Variants in FBLN5 observed in about 807,000 individuals in gnomAD.
The protein encoded by FBLN5 is fibulin-5.
A neutral mutation model predicts 61.6 loss-of-function variants in FBLN5; 24 were observed. That is an observed-to-expected ratio of 0.39 (90% CI 0.28 to 0.55). FBLN5 has a LOEUF of 0.55. FBLN5 is among the 20% of genes least tolerant of loss of function. The pLI, the probability that FBLN5 is intolerant of heterozygous loss-of-function variation, is 0.65. For synonymous variants in FBLN5, 213 were observed against 219.8 expected (o/e 0.97, Z 0.27); for missense variants, 470 against 594.1 (o/e 0.79, Z 2.17).
intron 10 of FBLN5, 82 bp from the exon 11 acceptor site, chr14:91,870,467 CGTCA>C: frequency 1.4e-6 from 2 of 1,427,738 alleles, no homozygotes; most frequent in South Asian, 1.1e-5. Flanking sequence ...CCCTTGCCTC[CGTCA>C]GTCAAACTGG....
chr14:91,879,614 G>T (rs748423143), intron 9 of FBLN5, among the ~76,000 whole-genome samples: 2 of 152,344 alleles, frequency 1.3e-5, no homozygotes, highest in East Asian at 3.9e-4. Context: ...AATAGAAGCT[G>T]GGAAGAGCAG....
chr14:91,912,350 A>T (rs1355981265), intron 4 of FBLN5, among the ~76,000 whole-genome samples: 1 of 152,200 alleles, frequency 6.6e-6, no homozygotes, highest in Non-Finnish European at 1.5e-5. Context: ...TAAAAAATAG[A>T]AAAATTAGCT....
At chr14:91,919,183 T>A (rs1221106521) in intron 4 of FBLN5, among the ~76,000 whole-genome samples, 1 of 151,592 alleles carries the variant, frequency 6.6e-6, no homozygotes. Context: ...ATACAAAAAT[T>A]AGCTGGGCAT....
At position 91,882,410 on chromosome 14, in the gene FBLN5, G is replaced by A. The variant is rs1889520086; in HGVS notation, c.862+544C>T. On this transcript the variant is annotated intron_variant, in intron 8 of 10. Coordinates refer to ENST00000342058, the MANE Select transcript of FBLN5 (RefSeq NM_006329.4). The surrounding 1 kb of genome is among the most constrained non-coding windows in gnomAD (Gnocchi z 4.9). ...TGACCCCTCAGTGGGTGGAGCATGG[G>A]GCTGGAACCCAGGCTAAGCAGGCAA... Among the ~76,000 whole-genome samples the A allele has an allele frequency of 6.6e-6, 1 of 152,176 alleles. No homozygotes were observed. The highest frequency in any genetic ancestry group is 2.1e-4 in the South Asian group (1 of 4,834).
intron 4 of FBLN5, 101 bp downstream of exon 4, chr14:91,936,846 A>G: frequency 7.4e-7 from 1 of 1,358,050 alleles, no homozygotes; most frequent in Non-Finnish European, 1.1e-6. Flanking sequence ...TCACTGGTGC[A>G]TTGAATGGCA....
intron 5 of FBLN5, among the ~76,000 whole-genome samples, chr14:91,892,732 G>T (rs576809637): frequency 6.6e-6 from 1 of 152,258 alleles, no homozygotes; most frequent in South Asian, 2.1e-4. Context: ...CGGGTACCTT[G>T]GAAAAAAGGC....
intron 4 of FBLN5, among the ~76,000 whole-genome samples, chr14:91,915,178 A>AT (rs1891135684): frequency 6.6e-6 from 1 of 150,646 alleles, no homozygotes; most frequent in South Asian, 2.1e-4. Context: ...AAAAATAATA[A>AT]AAAAAAAAGA....
intron 10 of FBLN5, among the ~76,000 whole-genome samples, 181 bp from the exon 11 acceptor site, chr14:91,870,566 G>T (rs755571638): frequency 2.0e-4 from 30 of 152,194 alleles, no homozygotes; most frequent in Non-Finnish European, 3.5e-4. Flanking sequence ...AACCCTTCAG[G>T]TCTCATCTGA....
At position 91,877,585 on chromosome 14, in the gene FBLN5, C is replaced by T. The variant is rs121434302; in HGVS notation, c.1087G>A (p.Ala363Thr). 88 of 1,613,868 alleles carry T rather than the reference C, an allele frequency of 5.5e-5. No homozygotes were observed. The highest frequency in any genetic ancestry group is 6.7e-5 in the Non-Finnish European group (79 of 1,179,862). ...GTGGCTTGCATTTGGAAGATGTCAGCGGGAACGGAGCGTCCTGACACCACG... is the reference window on the plus strand; with the variant it reads ...GTGGCTTGCATTTGGAAGATGTCAGTGGGAACGGAGCGTCCTGACACCACG... ...MDVVSGRSVP[A>T]DIFQMQATTR... is the part of the protein sequence containing the mutation. Residue 363 changes from alanine (A) to threonine (T), a missense_variant, in exon 10 of 11, where the codon GCT becomes ACT. Coordinates refer to ENST00000342058, the MANE Select transcript of FBLN5 (RefSeq NM_006329.4).
rs1264502241 is a variant in FBLN5 at position 91,895,002 on chromosome 14, C to T, written c.450G>A (p.Gly150=). The T allele has an allele frequency of 6.2e-7, 1 of 1,613,970 alleles. No individual in the cohort carries two copies. The highest frequency in any genetic ancestry group is 8.5e-7 in the Non-Finnish European group (1 of 1,179,982). ...PTQICINTEG[G]YTCSCTDGYW... ...ATCCGTCGGTGCAGGAGCAGGTGTA[C>T]CCGCCTTCAGTATTGATGCAGATCT... The change falls in exon 5 of 11, where the codon GGG becomes GGA. Residue 150 remains glycine, a synonymous_variant. Coordinates refer to ENST00000342058, the MANE Select transcript of FBLN5 (RefSeq NM_006329.4).
At chr14:91,909,519 G>C (rs1218765676) in intron 4 of FBLN5, among the ~76,000 whole-genome samples, 1 of 152,142 alleles carries the variant, frequency 6.6e-6, no homozygotes, top group Non-Finnish European at 1.5e-5. Context: ...AAAATTCTTA[G>C]GTCGATTACA....
chr14:91,935,959 G>C (rs2056008266), intron 4 of FBLN5, among the ~76,000 whole-genome samples: 1 of 152,198 alleles, frequency 6.6e-6, no homozygotes, highest in Admixed American at 6.5e-5. Context: ...AGCATACCCA[G>C]TGTTCCCTCA....
chr14:91,927,629 A>G (rs1330077053), intron 4 of FBLN5, among the ~76,000 whole-genome samples: 3 of 152,236 alleles, frequency 2.0e-5, no homozygotes, highest in Non-Finnish European at 4.4e-5. Flanking sequence ...CTACTAACTT[A>G]AAAGACATGT....
chr14:91,878,335 CA>C (rs1889268146), intron 9 of FBLN5, among the ~76,000 whole-genome samples: 1 of 152,154 alleles, frequency 6.6e-6, no homozygotes, highest in Admixed American at 6.5e-5. Flanking sequence ...ATCTCTAATA[CA>C]AAGCAACTAT....
intron 10 of FBLN5, among the ~76,000 whole-genome samples, chr14:91,871,221 T>TTA (rs1555373998): frequency 1.2e-4 from 17 of 137,934 alleles, no homozygotes; most frequent in East Asian, 6.2e-4. Flanking sequence ...ATCAGTAATT[T>TTA]AAAAAAAAAA....
chr14:91,898,779 T>A, intron 4 of FBLN5, among the ~76,000 whole-genome samples: 1 of 145,842 alleles, frequency 6.9e-6, no homozygotes, highest in African/African-American at 2.5e-5. Flanking sequence ...ACTTGCTCAC[T>A]CATTCATTCA....
chr14:91,877,355 C>T, intron 10 of FBLN5, 132 bp downstream of exon 10: 1 of 776,330 alleles, frequency 1.3e-6, no homozygotes. Flanking sequence ...CCTTGAACCA[C>T]ACCCTCCACT....
chr14:91,908,664 T>G (rs1890782858), intron 4 of FBLN5, among the ~76,000 whole-genome samples: 1 of 152,224 alleles, frequency 6.6e-6, no homozygotes, highest in African/African-American at 2.4e-5. Context: ...GTCCAGTGTT[T>G]CGCCAAATGT....
chr14:91,942,692 GC>G (rs1319656767), intron 2 of FBLN5, among the ~76,000 whole-genome samples: 3 of 152,092 alleles, frequency 2.0e-5, no homozygotes, highest in Non-Finnish European at 4.4e-5. Context: ...CTGAGTACCA[GC>G]CCCAGCCTTG....
Sources: gnomAD v4.1 joint callset for allele counts (sites outside exome capture counted in the v4.1 genomes callset) on GRCh38, gnomAD v4.1.1 for gene constraint, Gnocchi (gnomAD v3.1) non-coding constraint, MANE v1.5 for transcripts, NCBI Gene and HGNC (gene_info 2026-07-23, HGNC 2026-07-21) for gene names.